Variants in SEC24C observed in about 807,000 individuals in gnomAD.
SEC24C encodes SEC24 homolog C, COPII component.
A neutral mutation model predicts 117.0 loss-of-function variants in SEC24C; 22 were observed. That is an observed-to-expected ratio of 0.19 (90% CI 0.13 to 0.27). SEC24C has a LOEUF of 0.27. Ranked by LOEUF, SEC24C falls within the 10% of genes least tolerant of loss-of-function variation. The probability of loss-of-function intolerance (pLI) is 1.00; values close to 1 mark genes in which losing one functional copy is unlikely to be tolerated. For synonymous variants in SEC24C, 506 were observed against 529.4 expected (o/e 0.96, Z 0.61); for missense variants, 1,155 against 1,375.1 (o/e 0.84, Z 2.53).
Position 73,763,611 on chromosome 10 carries a change from G to GAATTA in SEC24C, c.1099+11_1099+15dup. 1 of 1,423,710 alleles carries GAATTA rather than the reference G, an allele frequency of 7.0e-7. No individual in the cohort carries two copies. The highest frequency in any genetic ancestry group is 1.1e-5 in the South Asian group (1 of 87,556). The allele number at this position is 1,423,710 out of a possible 1,614,324, so 88.2% of individuals were successfully genotyped here. On this transcript the variant is annotated intron_variant, in intron 7 of 22. Transcript: ENST00000345254. ...CTGGTGAAAGACCAAGGTGAGAATG[G>GAATTA]AATTAGCTCCTCCCACAGGGGCTTT...
At chr10:73,745,447 C>T (rs965185982) in intron 1 of SEC24C, among the ~76,000 whole-genome samples, 4 of 151,700 alleles carry the variant, frequency 2.6e-5, no homozygotes, top group African/African-American at 9.7e-5. Flanking sequence ...TCTAACTTTG[C>T]CCCTGATTCT....
chr10:73,751,208 A>G lies in SEC24C; in HGVS notation c.273A>G (p.Val91=), dbSNP rs180800094. The G allele has an allele frequency of 1.2e-6, 2 of 1,614,212 alleles. No individual in the cohort carries two copies. Among genetic ancestry groups the G allele is most frequent in the East Asian group, 4.5e-5 (2 of 44,890 alleles). ...ATGGCCAGTTTGGCCAAGGAGATGT[A>G]CAGAATGGGCCAAGCTCCACTGTTC... ...AAYGQFGQGD[V]QNGPSSTVQM... The change falls in exon 3 of 23, where the codon GTA becomes GTG. Residue 91 remains valine, a synonymous_variant. Coordinates refer to ENST00000345254, the MANE Select transcript of SEC24C (RefSeq NM_198597.3).
intron 8 of SEC24C, 98 bp downstream of exon 8, chr10:73,764,081 ATATTT>A: frequency 7.0e-7 from 1 of 1,427,368 alleles, no homozygotes; most frequent in Non-Finnish European, 9.4e-7. Flanking sequence ...ACAATGGAAG[ATATTT>A]TAGTTAGGCA....
chr10:73,772,132 T>C lies in SEC24C; in HGVS notation c.*1037T>C. On this transcript the variant is annotated 3_prime_UTR_variant, in exon 23 of 23. Transcript: ENST00000345254. Reference sequence around the variant, plus strand: ...TTTATTTTTCAATGCATCTTTAATTTGTAAAGAAATAAAATAAATTAAGAT... The same window carrying C: ...TTTATTTTTCAATGCATCTTTAATTCGTAAAGAAATAAAATAAATTAAGAT... The C allele has an allele frequency of 2.4e-6, 1 of 422,058 alleles. No homozygotes were observed. Among genetic ancestry groups the C allele is most frequent in the East Asian group, 3.6e-5 (1 of 28,118 alleles). 26.1% of individuals were successfully genotyped at this position (422,058 alleles called of 1,614,324 possible).
In SEC24C at chr10:73,763,899, C is replaced by T. The variant is rs147977956; in HGVS notation, c.1143C>T (p.Ile381=). 5 of 1,613,726 alleles carry T rather than the reference C, an allele frequency of 3.1e-6. No individual in the cohort carries two copies. The highest frequency in any genetic ancestry group is 1.3e-5 in the African/African-American group (1 of 74,924). ...PRYIRCTSYN[I]PCTSDMAKQA... ...ACATCCGATGTACATCCTATAATAT[C>T]CCTTGCACATCTGACATGGCTAAGC... Residue 381 remains isoleucine, a synonymous_variant, in exon 8 of 23, where the codon ATC becomes ATT. Coordinates refer to ENST00000345254, the MANE Select transcript of SEC24C (RefSeq NM_198597.3).
chr10:73,759,835 C>T (rs747799260), intron 4 of SEC24C, 41 bp downstream of exon 4: 18 of 1,515,042 alleles, frequency 1.2e-5, no homozygotes, highest in Non-Finnish European at 8.8e-7. Flanking sequence ...GTCCCCTGTT[C>T]AGAGGCATCA....
Position 73,760,183 on chromosome 10 carries a change from C to G in SEC24C, c.647C>G (p.Pro216Arg). ...TCACAGGCCTCCAGCTTCACACCCCCAGCTTCAGGGGGTCCTCGGCTGCCT... is the reference window on the plus strand; with the variant it reads ...TCACAGGCCTCCAGCTTCACACCCCGAGCTTCAGGGGGTCCTCGGCTGCCT... ...APSQASSFTP[P>R]ASGGPRLPSM... The change falls in exon 5 of 23, where the codon CCA becomes CGA. Residue 216 changes from proline (P) to arginine (R), a missense_variant. Physicochemically the swap from Pro to Arg is moderately radical, Grantham distance 103 (BLOSUM62 -2). Around this residue, in one of 2 missense-constraint regions of SEC24C, gnomAD observed 396 missense variants for 382.8 expected, o/e 1.03. Transcript: ENST00000345254. 1.2e-6 allele frequency: 2 copies of G among 1,614,178 alleles called. No homozygotes were observed. The highest frequency in any genetic ancestry group is 1.7e-6 in the Non-Finnish European group (2 of 1,180,028).
At chr10:73,759,927 T>C (rs2082770237) in intron 4 of SEC24C, 91 bp from the exon 5 acceptor site, 2 of 1,496,554 alleles carry the variant, frequency 1.3e-6, no homozygotes, top group African/African-American at 2.8e-5. Context: ...GACAGTCATA[T>C]TTGCCCCTCT....
chr10:73,749,200 C>T (rs1456171439), intron 2 of SEC24C, among the ~76,000 whole-genome samples: 1 of 152,200 alleles, frequency 6.6e-6, no homozygotes, highest in East Asian at 1.9e-4. Flanking sequence ...GGTTGTGGTC[C>T]ACACCCCTCT....
At chr10:73,748,545 C>T (rs547140196) in intron 2 of SEC24C, among the ~76,000 whole-genome samples, 4 of 151,548 alleles carry the variant, frequency 2.6e-5, no homozygotes, top group African/African-American at 9.7e-5. Flanking sequence ...AAGTGATTCT[C>T]CTGCCTCAGC....
At chr10:73,746,033 G>A (rs533581041) in intron 1 of SEC24C, among the ~76,000 whole-genome samples, 49 of 151,678 alleles carry the variant, frequency 3.2e-4, no homozygotes, top group African/African-American at 1.2e-3. Context: ...GGTGGCACGC[G>A]CCTGTAATCC....
Position 73,747,086 on chromosome 10 carries a change from G to A in SEC24C, c.172+82G>A, listed in dbSNP as rs1410230919. On this transcript the variant is annotated intron_variant, in intron 2 of 22. Coordinates refer to ENST00000345254, the MANE Select transcript of SEC24C (RefSeq NM_198597.3). ...GGTTGGGTTGTATTGCTCTAGCTAA[G>A]CTACCTGAGAAGTTTGGATAACTGG... 13 of 1,320,230 alleles carry A rather than the reference G, an allele frequency of 9.8e-6. 1 individual carries two copies. The highest frequency in any genetic ancestry group is 1.5e-5 in the African/African-American group (1 of 67,382). The allele number at this position is 1,320,230 out of a possible 1,614,324, so 81.8% of individuals were successfully genotyped here. A position where few individuals can be genotyped will look rare whatever the true frequency, so the allele number is the denominator to read the frequency against.
intron 16 of SEC24C, 31 bp downstream of exon 16, chr10:73,768,937 G>A (rs559213771): frequency 6.8e-6 from 11 of 1,614,154 alleles, no homozygotes; most frequent in Non-Finnish European, 9.3e-6. Context: ...AGGTTGGGGG[G>A]CTAAATATGG....
At chr10:73,753,006 A>T (rs941821901) in intron 3 of SEC24C, among the ~76,000 whole-genome samples, 5 of 152,054 alleles carry the variant, frequency 3.3e-5, no homozygotes, top group Non-Finnish European at 7.4e-5. Flanking sequence ...TCCCCTCATA[A>T]ATAACAACTA....
intron 3 of SEC24C, among the ~76,000 whole-genome samples, chr10:73,758,180 G>C (rs1035135170): frequency 6.6e-6 from 1 of 151,500 alleles, no homozygotes; most frequent in Non-Finnish European, 1.5e-5. Context: ...GGTTGTGATG[G>C]GCCAAGATCG....
rs780222304 is a variant in SEC24C, at chr10:73,760,379, A to G, written c.843A>G (p.Gln281=). 2 of 1,588,960 alleles carry G rather than the reference A, an allele frequency of 1.3e-6. No homozygotes were observed. Among genetic ancestry groups the G allele is most frequent in the South Asian group, 2.2e-5 (2 of 90,030 alleles). The change falls in exon 5 of 23, where the codon CAA becomes CAG. Residue 281 remains glutamine (Q), a synonymous_variant. Coordinates refer to ENST00000345254, the MANE Select transcript of SEC24C (RefSeq NM_198597.3). ...HSPQQPGYQP[Q]QNGSFGPARG... is the part of the protein sequence containing the mutation. The stretch of plus-strand genomic sequence containing the variant: ...CGCAGCAGCCAGGCTATCAGCCCCA[A>G]CAAAATGGTGAGTCTTTCCCAAGGT...
rs2082561102 is a variant in SEC24C, at chr10:73,746,844, C to T, written c.12C>T (p.Asn4=). Residue 4 remains asparagine (N), a synonymous_variant, in exon 2 of 23, where the codon AAC becomes AAT. Coordinates refer to ENST00000345254, the MANE Select transcript of SEC24C (RefSeq NM_198597.3). ...GGAATGCTTTCATAATGAACGTCAA[C>T]CAGTCAGTTCCACCTGTGCCACCAT... The part of the protein sequence containing the change: MNV[N]QSVPPVPPFG... 3 of 1,606,926 alleles carry T rather than the reference C, an allele frequency of 1.9e-6. No homozygotes were observed. In the Admixed American group the frequency reaches 5.1e-5, roughly 27 times the overall value.
chr10:73,763,444 C>A, intron 6 of SEC24C, 46 bp from the exon 7 acceptor site: 1 of 1,342,066 alleles, frequency 7.5e-7, no homozygotes, highest in Non-Finnish European at 1.1e-6. Context: ...TGGGACCTCA[C>A]ACTTCCTTTT....
At chr10:73,757,973 C>A (rs910654059) in intron 3 of SEC24C, among the ~76,000 whole-genome samples, 1 of 147,622 alleles carries the variant, frequency 6.8e-6, no homozygotes. Flanking sequence ...CGGTGGCTCA[C>A]GCCTGTAATC....
Sources: allele counts gnomAD v4.1 joint callset (sites outside exome capture counted in the v4.1 genomes callset), GRCh38; gene constraint gnomAD v4.1.1; regional missense constraint gnomAD v4.1.1; transcripts MANE v1.5; gene names NCBI Gene and HGNC (gene_info 2026-07-23, HGNC 2026-07-21).